Variants in CUL9 observed in about 807,000 individuals in gnomAD.
CUL9 encodes the protein cullin-9.
CUL9 carries 79 observed loss-of-function variants against 272.6 expected under a neutral mutation model. The observed-to-expected ratio is 0.29, with a 90% CI of 0.24 to 0.35. The LOEUF (loss-of-function observed/expected upper bound fraction) is 0.35. Ranked by LOEUF, CUL9 falls within the 10% of genes least tolerant of loss-of-function variation. CUL9 has a pLI of 1.00. For synonymous variants in CUL9, 1,186 were observed against 1,286.5 expected, an observed-to-expected ratio of 0.92 and a Z score of 1.67; for missense variants, 2,532 against 3,255.6, an observed-to-expected ratio of 0.78 and a Z score of 5.41.
In CUL9 at chr6:43,184,657, A is replaced by G; in HGVS notation, c.347A>G (p.Glu116Gly). Residue 116 changes from glutamate (E) to glycine (G), a missense_variant, in exon 2 of 41, where the codon GAG becomes GGG. Transcript: ENST00000252050. The surrounding 1 kb of genome is among the most constrained non-coding windows in gnomAD (Gnocchi z 4.8). ...GATGAAGTGGCAATGGGAGAGATGG[A>G]GGCTGATGTTCAGGCGCTGGTACGC... ...GLDEVAMGEM[E>G]ADVQALVRRA... is the part of the protein sequence containing the mutation. The G allele has an allele frequency of 1.2e-6, 2 of 1,611,570 alleles. No homozygotes were observed. The highest frequency in any genetic ancestry group is 1.7e-6 in the Non-Finnish European group (2 of 1,177,830).
Position 43,221,638 on chromosome 6 carries a change from C to T in CUL9, c.6753-47C>T, listed in dbSNP as rs759307974. The T allele has an allele frequency of 1.9e-6, 3 of 1,566,376 alleles. No individual in the cohort carries two copies. The highest frequency in any genetic ancestry group is 2.6e-6 in the Non-Finnish European group (3 of 1,140,294). On this transcript the variant is annotated intron_variant, in intron 34 of 40. Coordinates refer to ENST00000252050, the MANE Select transcript of CUL9 (RefSeq NM_015089.4). This position sits in a 1 kb window ranked among gnomAD's most constrained non-coding sequence, Gnocchi z 4.2. ...CTGGGCCCTTGGCATTCCTGGCACA[C>T]CCCTGCCCAGAGGCAGGAGTCCCTG...
intron 9 of CUL9, among the ~76,000 whole-genome samples, 157 bp downstream of exon 9, chr6:43,193,365 G>A (rs1268008901): frequency 1.3e-5 from 2 of 152,218 alleles, no homozygotes; most frequent in East Asian, 1.9e-4. Flanking sequence ...GACATTCTTC[G>A]GGATTAAGTG....
At position 43,221,497 on chromosome 6, in the gene CUL9, C is replaced by T. The variant is rs926724336; in HGVS notation, c.6752+176C>T. On this transcript the variant is annotated intron_variant, in intron 34 of 40. Coordinates refer to ENST00000252050, the MANE Select transcript of CUL9 (RefSeq NM_015089.4). The surrounding 1 kb of genome is among the most constrained non-coding windows in gnomAD (Gnocchi z 4.2). ...GGATCTTAATGTTCCTTCTCCCACT[C>T]GTAAGTCCACACTGACTGGGGGAGT... 9 of 892,256 alleles carry T rather than the reference C, an allele frequency of 1.0e-5. No homozygotes were observed. The African/African-American group carries it at 1.2e-4, about 12-fold the overall frequency. 55.3% of individuals were successfully genotyped at this position (892,256 alleles called of 1,614,324 possible).
chr6:43,185,179 G>T (rs1371971223), intron 2 of CUL9, among the ~76,000 whole-genome samples: 1 of 152,082 alleles, frequency 6.6e-6, no homozygotes, highest in Admixed American at 6.5e-5. Context: ...TTTATTAGTT[G>T]GTTTTGAAAT....
intron 8 of CUL9, among the ~76,000 whole-genome samples, chr6:43,192,087 G>A (rs1389031852): frequency 2.3e-5 from 3 of 131,014 alleles, no homozygotes; most frequent in Admixed American, 7.8e-5. Context: ...TTTGAGACAG[G>A]GTCTCACTCT....
At chr6:43,192,309 A>G (rs1447581285) in intron 8 of CUL9, among the ~76,000 whole-genome samples, 1 of 152,092 alleles carries the variant, frequency 6.6e-6, no homozygotes, top group Admixed American at 6.5e-5. Flanking sequence ...CAGCCTCTCA[A>G]AGTGCTGGGA....
chr6:43,196,590 C>T, intron 10 of CUL9, 55 bp from the exon 11 acceptor site: 1 of 1,462,406 alleles, frequency 6.8e-7, no homozygotes, highest in Non-Finnish European at 9.6e-7. Context: ...TGCTTTGCTG[C>T]TTCCATTGCA....
intron 29 of CUL9, among the ~76,000 whole-genome samples, chr6:43,214,377 A>ACTG (rs1775765055): frequency 6.6e-6 from 1 of 152,210 alleles, no homozygotes; most frequent in South Asian, 2.1e-4. Context: ...CAAGACTGCC[A>ACTG]CTGTACCCCA....
In CUL9 at chr6:43,193,039, A is replaced by T. The variant is rs201528946; in HGVS notation, c.2219A>T (p.Asn740Ile). ...LVKMLVELLT[N>I]QVGEKMVVVQ... ...AAGATGCTGGTGGAGCTGCTGACCA[A>T]CCAGGTGGGAGAGAAGATGGTGGTC... Residue 740 changes from asparagine (N) to isoleucine (I), a missense_variant, in exon 9 of 41, where the codon AAC (asparagine) becomes ATC (isoleucine). By Grantham distance (149) the Asn-to-Ile change is moderately radical (BLOSUM62 -3). This residue lies in a region of CUL9 where 2,218 missense variants were observed against 2,788.6 expected (regional missense o/e 0.80). Transcript: ENST00000252050. The T allele has an allele frequency of 1.2e-6, 2 of 1,614,142 alleles. No homozygotes were observed. The highest frequency in any genetic ancestry group is 1.7e-5 in the Admixed American group (1 of 60,022).
intron 8 of CUL9, among the ~76,000 whole-genome samples, chr6:43,189,921 C>T (rs982292953): frequency 1.4e-4 from 22 of 152,208 alleles, no homozygotes; most frequent in Admixed American, 1.4e-3. Context: ...TCTACTATAT[C>T]CTACAGATTT....
intron 7 of CUL9, 87 bp downstream of exon 7, chr6:43,188,205 C>G: frequency 6.7e-7 from 1 of 1,493,848 alleles, no homozygotes; most frequent in Non-Finnish European, 9.0e-7. Context: ...GAAGGAAAGC[C>G]ATGGAGGAAG....
chr6:43,221,515 G>C lies in CUL9; in HGVS notation c.6753-170G>C. 1 of 873,906 alleles carries C rather than the reference G, an allele frequency of 1.1e-6. No homozygotes were observed. Among genetic ancestry groups the C allele is most frequent in the Admixed American group, 2.6e-5 (1 of 38,202 alleles). 54.1% of individuals were successfully genotyped at this position (873,906 alleles called of 1,614,324 possible). ...TCCCACTCGTAAGTCCACACTGACT[G>C]GGGGAGTTCAAAAGCAGAGGTGCAT... On this transcript the variant is annotated intron_variant, in intron 34 of 40. Transcript: ENST00000252050. The surrounding 1 kb of genome is among the most constrained non-coding windows in gnomAD (Gnocchi z 4.2).
intron 11 of CUL9, among the ~76,000 whole-genome samples, chr6:43,197,630 C>A (rs1003877827): frequency 6.6e-6 from 1 of 151,376 alleles, no homozygotes; most frequent in African/African-American, 2.4e-5. Context: ...ATTACAGGTG[C>A]GCACCACCAC....
Position 43,186,378 on chromosome 6 carries a change from C to G in CUL9, c.1174C>G (p.Leu392Val). The G allele has an allele frequency of 6.2e-7, 1 of 1,614,014 alleles. No individual in the cohort carries two copies. The highest frequency in any genetic ancestry group is 1.6e-4 in the Middle Eastern group (1 of 6,062). Residue 392 changes from leucine to valine, a missense_variant, in exon 4 of 41, where the codon CTG becomes GTG. By Grantham distance (32) the Leu-to-Val change is conservative. This residue lies in a region of CUL9 where 2,218 missense variants were observed against 2,788.6 expected (regional missense o/e 0.80). Transcript: ENST00000252050. ...GCAGCCAGGGATGCGAGTGCGGATG[C>G]TGGATGATTATGAGGAGATCAGTGC... ...TLQPGMRVRM[L>V]DDYEEISAGD...
rs1291087040 is a variant in CUL9 at position 43,206,978 on chromosome 6, G to A, written c.5212+468G>A. Among the ~76,000 whole-genome samples the A allele has an allele frequency of 2.0e-5, 3 of 152,126 alleles. No individual in the cohort carries two copies. The highest frequency in any genetic ancestry group is 7.2e-5 in the African/African-American group (3 of 41,424). On this transcript the variant is annotated intron_variant, in intron 26 of 40. Coordinates refer to ENST00000252050, the MANE Select transcript of CUL9 (RefSeq NM_015089.4). This position sits in a 1 kb window ranked among gnomAD's most constrained non-coding sequence, Gnocchi z 4.8. The stretch of plus-strand genomic sequence containing the variant: ...TCCTGTCTCAGCCTCCCAAGTAGCT[G>A]GGACTACAGGCGTATGCCACCACAC...
chr6:43,200,112 C>G lies in CUL9; in HGVS notation c.3340C>G (p.Leu1114Val), dbSNP rs137875668. 1.6e-5 allele frequency: 26 copies of G among 1,614,090 alleles called. No individual in the cohort carries two copies. The highest frequency in any genetic ancestry group is 2.2e-5 in the Non-Finnish European group (26 of 1,180,032). Residue 1114 changes from leucine to valine, a missense_variant, in exon 14 of 41, where the codon CTC becomes GTC. Physicochemically the swap from Leu to Val is conservative, Grantham distance 32. Around this residue, in one of 3 missense-constraint regions of CUL9, gnomAD observed 2,218 missense variants for 2,788.6 expected, o/e 0.80. Coordinates refer to ENST00000252050, the MANE Select transcript of CUL9 (RefSeq NM_015089.4). This position sits in a 1 kb window ranked among gnomAD's most constrained non-coding sequence, Gnocchi z 4.0. ...GACAGAGTGTGAGAAGTACGCACAG[C>G]TCTATAGCAACCTCACCTCCAGCAT... ...LVTECEKYAQ[L>V]YSNLTSSILA...
Position 43,203,827 on chromosome 6 carries a change from C to A in CUL9, c.4026-27C>A. ...CCTCTGGGAAATCGGTGCCATTAATCCTCCGCCATGCACTGTTTGTTCCCA... is the reference window on the plus strand; with the variant it reads ...CCTCTGGGAAATCGGTGCCATTAATACTCCGCCATGCACTGTTTGTTCCCA... On this transcript the variant is annotated intron_variant, in intron 19 of 40. Coordinates refer to ENST00000252050, the MANE Select transcript of CUL9 (RefSeq NM_015089.4). This position sits in a 1 kb window ranked among gnomAD's most constrained non-coding sequence, Gnocchi z 5.0. 1 of 1,578,300 alleles carries A rather than the reference C, an allele frequency of 6.3e-7. No individual in the cohort carries two copies.
At position 43,184,503 on chromosome 6, in the gene CUL9, A is replaced by T. The variant is rs1423533649; in HGVS notation, c.193A>T (p.Met65Leu). 6.2e-7 allele frequency: 1 copy of T among 1,612,876 alleles called. No homozygotes were observed. The highest frequency in any genetic ancestry group is 8.5e-7 in the Non-Finnish European group (1 of 1,179,136). The change falls in exon 2 of 41, where the codon ATG (methionine) becomes TTG (leucine). Residue 65 changes from methionine to leucine, a missense_variant. Met to Leu is a conservative substitution (Grantham distance 15, BLOSUM62 2). This residue lies in a region of CUL9 where 2,218 missense variants were observed against 2,788.6 expected (regional missense o/e 0.80). Coordinates refer to ENST00000252050, the MANE Select transcript of CUL9 (RefSeq NM_015089.4). The surrounding 1 kb of genome is among the most constrained non-coding windows in gnomAD (Gnocchi z 4.8). ...AGAAGGCAAAGCAGAGCACATCCTC[A>T]TGTGGCTGTCGGCTCCTGAGGTCTA... is the stretch of plus-strand genomic sequence containing the variant. Reference protein sequence around the residue: ...VEEGKAEHILMWLSAPEVYAN... With the variant: ...VEEGKAEHILLWLSAPEVYAN...
Position 43,196,844 on chromosome 6 carries a change from G to A in CUL9, c.2785G>A (p.Gly929Ser). Reference protein sequence around the residue: ...MLLNRYSEPPGSPERAALETP... With the variant: ...MLLNRYSEPPSSPERAALETP... ...TCTCAATCGCTACTCAGAGCCGCCG[G>A]GCAGCCCTGAGCGTGCAGGTACCAT... The change falls in exon 11 of 41, where the codon GGC becomes AGC. Residue 929 changes from glycine to serine, a missense_variant. Transcript: ENST00000252050. 1 of 1,614,084 alleles carries A rather than the reference G, an allele frequency of 6.2e-7. No individual in the cohort carries two copies. The highest frequency in any genetic ancestry group is 8.5e-7 in the Non-Finnish European group (1 of 1,180,042).
Sources: gnomAD v4.1 joint callset for allele counts (sites outside exome capture counted in the v4.1 genomes callset) on GRCh38, gnomAD v4.1.1 for gene constraint, gnomAD v4.1.1 regional missense constraint, Gnocchi (gnomAD v3.1) non-coding constraint, MANE v1.5 for transcripts, NCBI Gene and HGNC (gene_info 2026-07-23, HGNC 2026-07-21) for gene names.